Variants in BYSL observed in about 807,000 individuals in gnomAD.
BYSL encodes bystin.
BYSL carries 21 observed loss-of-function variants against 45.4 expected under a neutral mutation model. The ratio of observed to expected loss-of-function variants is 0.46; its 90% confidence interval spans 0.33 to 0.67. The LOEUF (loss-of-function observed/expected upper bound fraction) is 0.67, where lower values mean the gene tolerates loss of function less well. Among genes scored for constraint, BYSL ranks in the 30% least tolerant of loss-of-function variants. The pLI is 0.02. For missense variants in BYSL, 522 were observed against 578.5 expected, an observed-to-expected ratio of 0.90 and a Z score of 1.00; for synonymous variants, 215 against 231.3, an observed-to-expected ratio of 0.93 and a Z score of 0.64.
At chr6:41,910,523 T>A in the BYSL span, among the ~76,000 whole-genome samples, 1 of 150,430 alleles carries the variant, frequency 6.6e-6, no homozygotes, top group East Asian at 2.0e-4. Context: ...TCCCAGCTAC[T>A]GGGGAGGCTG....
chr6:41,931,139 A>C (rs546509584), intron 4 of BYSL, among the ~76,000 whole-genome samples: 6 of 152,330 alleles, frequency 3.9e-5, no homozygotes, highest in Non-Finnish European at 8.8e-5. Context: ...GATGCTGAGT[A>C]GCCATCAGTT....
Position 41,932,911 on chromosome 6 carries a change from G to A in BYSL, c.*205G>A, listed in dbSNP as rs41273806. ...TCTTCCATTCTAGGCCCTTATCCCT[G>A]TTTAGTTCTGAGAGCCAACTTGAGA... On this transcript the variant is annotated 3_prime_UTR_variant, in exon 7 of 7. Transcript: ENST00000230340. The surrounding 1 kb of genome is among the most constrained non-coding windows in gnomAD (Gnocchi z 4.7). 0.018 allele frequency: 10,472 copies of A among 594,898 alleles called. 179 individuals are homozygous for A. The highest frequency in any genetic ancestry group is 0.059 in the South Asian group (2,557 of 43,450). The allele number at this position is 594,898 out of a possible 1,614,324, so 36.9% of individuals were successfully genotyped here. A position where few individuals can be genotyped will look rare whatever the true frequency, so the allele number is the denominator to read the frequency against.
rs758484450 is a variant in BYSL at position 41,921,555 on chromosome 6, C to G, written c.-8C>G. 3 of 1,554,750 alleles carry G rather than the reference C, an allele frequency of 1.9e-6. No individual in the cohort carries two copies. The highest frequency in any genetic ancestry group is 3.8e-5 in the Admixed American group (2 of 52,518). Reference sequence around the variant, plus strand: ...GTGCGATCCTTCCCGGCAACTTTTTCGAGAAAAATGCCCAAATTCAAGGCG... The same window carrying G: ...GTGCGATCCTTCCCGGCAACTTTTTGGAGAAAAATGCCCAAATTCAAGGCG... On this transcript the variant is annotated 5_prime_UTR_variant, in exon 1 of 7. Transcript: ENST00000230340.
In BYSL at chr6:41,930,976, G is replaced by C. The variant is rs911778543; in HGVS notation, c.704+208G>C. 3.3e-5 allele frequency among the ~76,000 whole-genome samples: 5 copies of C among 152,088 alleles called. No homozygotes were observed. The East Asian group carries it at 1.0e-3, about 31-fold the overall frequency. On this transcript the variant is annotated intron_variant, in intron 4 of 6. Transcript: ENST00000230340. ...TAGCCAGTTAGGAACCCTCCGTGAT[G>C]AATTTCTAGGGGAGAGGCTTTTATA...
chr6:41,909,515 G>C, the BYSL span: 1 of 1,614,028 alleles, frequency 6.2e-7, no homozygotes, highest in Non-Finnish European at 8.5e-7. Context: ...TCAGCTTCCC[G>C]GTCTGACCTG....
At chr6:41,909,378 G>A in the BYSL span, 1 of 1,614,148 alleles carries the variant, frequency 6.2e-7, no homozygotes, top group Non-Finnish European at 8.5e-7. Context: ...GCTGGCCTTA[G>A]CACTCTGGAA....
the BYSL span, chr6:41,909,194 AC>A: frequency 6.6e-7 from 1 of 1,525,884 alleles, no homozygotes; most frequent in Non-Finnish European, 8.8e-7. Flanking sequence ...AAAGAGAAGA[AC>A]TGGAAAATCT....
In BYSL at chr6:41,921,644, G is replaced by A. The variant is rs1279528434; in HGVS notation, c.82G>A (p.Ala28Thr). The A allele has an allele frequency of 6.2e-7, 1 of 1,613,644 alleles. No homozygotes were observed. Among genetic ancestry groups the A allele is most frequent in the Non-Finnish European group, 8.5e-7 (1 of 1,179,872 alleles). ...GGCCGATCAGATCCTGGCTGGGAAT[G>A]CGGTGCGGGCGGGGGTCCGGGAGAA... is the stretch of plus-strand genomic sequence containing the variant. Reference protein sequence around the residue: ...PLADQILAGNAVRAGVREKRR... With the variant: ...PLADQILAGNTVRAGVREKRR... The change falls in exon 1 of 7, where the codon GCG becomes ACG. Residue 28 changes from alanine to threonine, a missense_variant. Transcript: ENST00000230340.
the BYSL span, among the ~76,000 whole-genome samples, chr6:41,910,418 G>T: frequency 6.6e-6 from 1 of 151,912 alleles, no homozygotes; most frequent in Non-Finnish European, 1.5e-5. Context: ...GATCACTTGA[G>T]GTCAGGAGTT....
chr6:41,918,010 C>A (rs750757530), upstream of BYSL: 44 of 259,002 alleles, frequency 1.7e-4, no homozygotes, highest in Middle Eastern at 9.3e-4. Flanking sequence ...AAGAATGGAA[C>A]AAAACAAAAA....
intron 1 of BYSL, among the ~76,000 whole-genome samples, chr6:41,922,217 G>A (rs1582069549): frequency 6.6e-6 from 1 of 152,170 alleles, no homozygotes; most frequent in Non-Finnish European, 1.5e-5. Flanking sequence ...CAGCAGAGAG[G>A]CAATTAAGTA....
At chr6:41,930,399 G>A in intron 3 of BYSL, 129 bp downstream of exon 3, 1 of 1,347,424 alleles carries the variant, frequency 7.4e-7, no homozygotes, top group Non-Finnish European at 9.9e-7. Flanking sequence ...AGACCTAAGA[G>A]GCAGAGTGTG....
At chr6:41,915,463 A>C in the BYSL span, among the ~76,000 whole-genome samples, 1 of 151,952 alleles carries the variant, frequency 6.6e-6, no homozygotes, top group Non-Finnish European at 1.5e-5. Context: ...AAAGCACTTC[A>C]GCCTGGTCAA....
intron 1 of BYSL, among the ~76,000 whole-genome samples, chr6:41,926,684 C>T (rs1236500151): frequency 6.6e-6 from 1 of 150,894 alleles, no homozygotes; most frequent in Admixed American, 6.6e-5. Flanking sequence ...CTCTTGACCT[C>T]GTGATCTGCC....
intron 1 of BYSL, among the ~76,000 whole-genome samples, chr6:41,922,269 C>A (rs1775495345): frequency 6.6e-6 from 1 of 152,176 alleles, no homozygotes; most frequent in African/African-American, 2.4e-5. Context: ...GTATCGTTTC[C>A]CTGGTAACAA....
At chr6:41,916,737 T>C, upstream of BYSL, 1 of 1,603,926 alleles carries the variant, frequency 6.2e-7, no homozygotes, top group Non-Finnish European at 8.5e-7. Context: ...CAAATGTCTC[T>C]TAACTCCAAG....
intron 1 of BYSL, 38 bp downstream of exon 1, chr6:41,921,868 C>A: frequency 6.3e-7 from 1 of 1,585,470 alleles, no homozygotes; most frequent in East Asian, 2.3e-5. Flanking sequence ...AGACAGTGGC[C>A]AGTAGTGGGG....
rs1214821987 is a variant in BYSL, at chr6:41,932,777, G to C, written c.*71G>C. ...AAGACCCCCGTTGGTGACTGAAGATGACACTGAGCTTTAATGGCTGAAGAC... is the reference window on the plus strand; with the variant it reads ...AAGACCCCCGTTGGTGACTGAAGATCACACTGAGCTTTAATGGCTGAAGAC... On this transcript the variant is annotated 3_prime_UTR_variant, in exon 7 of 7. Coordinates refer to ENST00000230340, the MANE Select transcript of BYSL (RefSeq NM_004053.4). The surrounding 1 kb of genome is among the most constrained non-coding windows in gnomAD (Gnocchi z 4.7). 2.0e-5 allele frequency: 29 copies of C among 1,467,846 alleles called. No homozygotes were observed. The highest frequency in any genetic ancestry group is 2.6e-5 in the Non-Finnish European group (28 of 1,083,428). 90.9% of individuals were successfully genotyped at this position (1,467,846 alleles called of 1,614,324 possible).
intron 1 of BYSL, 41 bp from the exon 2 acceptor site, chr6:41,927,333 A>C (rs1238349660): frequency 1.2e-6 from 2 of 1,607,038 alleles, no homozygotes; most frequent in Non-Finnish European, 1.7e-6. Flanking sequence ...TCCCTCAGCT[A>C]CCTTTTGCTG....
Sources: allele counts gnomAD v4.1 joint callset (sites outside exome capture counted in the v4.1 genomes callset), GRCh38; gene constraint gnomAD v4.1.1; non-coding constraint Gnocchi (gnomAD v3.1); transcripts MANE v1.5; gene names NCBI Gene and HGNC (gene_info 2026-07-23, HGNC 2026-07-21).